Variants in UBE2D3 observed in about 807,000 individuals in gnomAD.
UBE2D3 encodes the protein ubiquitin-conjugating enzyme E2 D3.
A neutral mutation model predicts 22.8 loss-of-function variants in UBE2D3; 2 were observed. The observed-to-expected ratio is 0.09, with a 90% CI of 0.04 to 0.28. UBE2D3 has a LOEUF of 0.28. Among genes scored for constraint, UBE2D3 ranks in the 10% least tolerant of loss-of-function variants. UBE2D3 has a pLI of 1.00. For synonymous variants in UBE2D3, 56 were observed against 60.4 expected, an observed-to-expected ratio of 0.93 and a Z score of 0.34; for missense variants, 27 against 182.5, an observed-to-expected ratio of 0.15 and a Z score of 4.91.
intron 1 of UBE2D3, chr4:102,827,189 G>A (rs1402416641): frequency 1.0e-6 from 1 of 986,830 alleles, no homozygotes; most frequent in East Asian, 1.1e-4. Context: ...CGCCCGCCCA[G>A]CCACCTCCAC....
Position 102,797,303 on chromosome 4 carries a change from T to C in UBE2D3, c.*112A>G. The C allele has an allele frequency of 1.1e-6, 1 of 884,186 alleles. No individual in the cohort carries two copies. The highest frequency in any genetic ancestry group is 1.9e-5 in the South Asian group (1 of 52,716). 54.8% of individuals were successfully genotyped at this position (884,186 alleles called of 1,614,324 possible). ...GAGGGAGGTAAACAAAAAATAAAAT[T>C]AAAAAAGATGAGGTCTGATAGGGGA... On this transcript the variant is annotated 3_prime_UTR_variant, in exon 8 of 8. Coordinates refer to ENST00000453744, the MANE Select transcript of UBE2D3 (RefSeq NM_181891.3).
At chr4:102,797,548 C>G in intron 7 of UBE2D3, 88 bp from the exon 8 acceptor site, 1 of 1,079,486 alleles carries the variant, frequency 9.3e-7, no homozygotes, top group East Asian at 2.5e-5. Flanking sequence ...TTTATCATCT[C>G]CAGACTCATC....
chr4:102,852,486 A>G (rs898389736), intron 1 of UBE2D3, among the ~76,000 whole-genome samples: 5 of 152,140 alleles, frequency 3.3e-5, no homozygotes, highest in Non-Finnish European at 5.9e-5. Flanking sequence ...AAACATCTCT[A>G]TAGGTATTGG....
intron 1 of UBE2D3, among the ~76,000 whole-genome samples, chr4:102,848,633 G>A (rs976225335): frequency 2.0e-5 from 3 of 151,772 alleles, no homozygotes; most frequent in Non-Finnish European, 2.9e-5. Context: ...TGACAAGAGC[G>A]AAACTCCATC....
intron 2 of UBE2D3, among the ~76,000 whole-genome samples, chr4:102,819,949 A>T (rs889440877): frequency 8.5e-5 from 13 of 152,232 alleles, no homozygotes; most frequent in African/African-American, 2.4e-4. Context: ...TATGACTGTG[A>T]ATCAGCATTA....
Position 102,866,148 on chromosome 4 carries a change from T to C in UBE2D3, c.-129+2567A>G, listed in dbSNP as rs563728304. ...AAGTGGATAATAAGGATTTTTAAAT[T>C]GGTGGAGTTAGGAATTATCTCCTAT... is the stretch of plus-strand genomic sequence containing the variant. On this transcript the variant is annotated intron_variant, in intron 1 of 7. Coordinates refer to the UBE2D3 transcript ENST00000338145. 2.6e-5 allele frequency among the ~76,000 whole-genome samples: 4 copies of C among 152,188 alleles called. No individual in the cohort carries two copies. The South Asian group carries it at 8.3e-4, about 32-fold the overall frequency.
At chr4:102,851,910 T>C (rs1372580660) in intron 1 of UBE2D3, among the ~76,000 whole-genome samples, 1 of 152,082 alleles carries the variant, frequency 6.6e-6, no homozygotes, top group Admixed American at 6.5e-5. Flanking sequence ...CCTCAGGTGA[T>C]CCACCCACCT....
At chr4:102,817,151 T>G (rs1337436870) in intron 2 of UBE2D3, among the ~76,000 whole-genome samples, 1 of 152,130 alleles carries the variant, frequency 6.6e-6, no homozygotes, top group Non-Finnish European at 1.5e-5. Flanking sequence ...GCATAAAAAT[T>G]TGCCAGAACA....
At chr4:102,851,425 AAC>A (rs1477002849) in intron 1 of UBE2D3, among the ~76,000 whole-genome samples, 1 of 152,212 alleles carries the variant, frequency 6.6e-6, no homozygotes, top group East Asian at 1.9e-4. Flanking sequence ...AGGGGAGACT[AAC>A]AGAACTTTCT....
At chr4:102,863,422 C>G (rs1441405065) in intron 1 of UBE2D3, among the ~76,000 whole-genome samples, 1 of 152,094 alleles carries the variant, frequency 6.6e-6, no homozygotes, top group African/African-American at 2.4e-5. Flanking sequence ...AGGACTATAC[C>G]AAACCATTCA....
At chr4:102,827,305 T>C in intron 1 of UBE2D3, 122 bp downstream of exon 1, 1 of 923,736 alleles carries the variant, frequency 1.1e-6, no homozygotes, top group Non-Finnish European at 1.3e-6. Flanking sequence ...CTTCCCACCC[T>C]AACCCACCGC....
At chr4:102,826,111 A>G (rs1256230231) in intron 2 of UBE2D3, among the ~76,000 whole-genome samples, 1 of 152,142 alleles carries the variant, frequency 6.6e-6, no homozygotes, top group Non-Finnish European at 1.5e-5. Context: ...CTAAGTTTTC[A>G]AGCACCAAGA....
At chr4:102,847,867 A>AACTCCTGGCTTCAAGAGATCCTCCC in intron 1 of UBE2D3, among the ~76,000 whole-genome samples, 1 of 152,052 alleles carries the variant, frequency 6.6e-6, no homozygotes, top group Non-Finnish European at 1.5e-5. Flanking sequence ...GCTGGCCTCA[A>AACTCCTGGCTTCAAGAGATCCTCCC]ACTCCTGGCT....
chr4:102,813,079 T>C (rs1354041200), intron 2 of UBE2D3: 1 of 152,192 alleles, frequency 6.6e-6, no homozygotes, highest in Non-Finnish European at 1.5e-5. Flanking sequence ...AATGTTAAGA[T>C]GATCAACACA....
chr4:102,807,803 C>G (rs1727302928), intron 4 of UBE2D3, among the ~76,000 whole-genome samples: 1 of 152,180 alleles, frequency 6.6e-6, no homozygotes, highest in Non-Finnish European at 1.5e-5. Flanking sequence ...ACTCATCATT[C>G]ATGTTTCCTT....
intron 1 of UBE2D3, among the ~76,000 whole-genome samples, chr4:102,858,151 T>G (rs1009980163): frequency 1.3e-5 from 2 of 152,044 alleles, no homozygotes; most frequent in Non-Finnish European, 2.9e-5. Context: ...TTCTTTAAGG[T>G]TGTCTTGAGA....
intron 1 of UBE2D3, chr4:102,826,907 C>T (rs766585593): frequency 3.6e-4 from 378 of 1,036,546 alleles, no homozygotes; most frequent in Non-Finnish European, 4.3e-4. Context: ...GGGTGCGGGG[C>T]AGGGTCCGGA....
upstream of UBE2D3, among the ~76,000 whole-genome samples, chr4:102,831,152 T>C (rs780507034): frequency 1.3e-5 from 2 of 152,210 alleles, no homozygotes; most frequent in Non-Finnish European, 2.9e-5. Flanking sequence ...TTTAATTAAA[T>C]TGTAAATGCT....
intron 2 of UBE2D3, among the ~76,000 whole-genome samples, chr4:102,813,365 T>C (rs1229640190): frequency 6.6e-6 from 1 of 152,220 alleles, no homozygotes; most frequent in Non-Finnish European, 1.5e-5. Context: ...TGTTGAACAA[T>C]AAATGTACAT....
Sources: gnomAD v4.1 joint callset for allele counts (sites outside exome capture counted in the v4.1 genomes callset) on GRCh38, gnomAD v4.1.1 for gene constraint, MANE v1.5 for transcripts, NCBI Gene and HGNC (gene_info 2026-07-23, HGNC 2026-07-21) for gene names.